PIEZO1: variants seen among roughly 807,000 people sequenced by gnomAD.
PIEZO1 encodes piezo-type mechanosensitive ion channel component 1.
A neutral mutation model predicts 297.2 loss-of-function variants in PIEZO1; 296 were observed. The ratio of observed to expected loss-of-function variants is 1.00; its 90% CI spans 0.91 to 1.10. The LOEUF (loss-of-function observed/expected upper bound fraction) is 1.10. Among genes scored for constraint, PIEZO1 ranks in the 50% least tolerant of loss-of-function variants. The pLI is 0.00. For missense variants in PIEZO1, 5,018 were observed against 3,455.5 expected (o/e 1.45, Z -11.34); for synonymous variants, 2,427 against 1,507.5 (o/e 1.61, Z -14.13).
At chr16:88,729,987 G>A (rs1435253616) in intron 22 of PIEZO1, among the ~76,000 whole-genome samples, 1 of 152,294 alleles carries the variant, frequency 6.6e-6, no homozygotes, top group African/African-American at 2.4e-5. Flanking sequence ...GCATGGCGCA[G>A]CCGCGTGGAA....
chr16:88,732,341 C>A lies in PIEZO1; in HGVS notation c.2985G>T (p.Gly995=). 1 of 1,549,324 alleles carries A rather than the reference C, an allele frequency of 6.5e-7. No individual in the cohort carries two copies. The change falls in exon 21 of 51, where the codon GGG becomes GGT. Residue 995 remains glycine (G), a synonymous_variant. Transcript: ENST00000301015. ...GGCAATGTCCTTGCCTCACCTCCAGCCCGAATTTGTAGAAGAAGAAGTTGA... is the reference window on the plus strand; with the variant it reads ...GGCAATGTCCTTGCCTCACCTCCAGACCGAATTTGTAGAAGAAGAAGTTGA... ...YFINFFFYKF[G]LEICFLMAVN... is the part of the protein sequence containing the mutation.
chr16:88,750,727 C>T (rs914735053), intron 1 of PIEZO1, among the ~76,000 whole-genome samples: 3 of 152,188 alleles, frequency 2.0e-5, no homozygotes, highest in Admixed American at 6.5e-5. Context: ...GGCCTGATGT[C>T]GTCTCCTCGC....
In PIEZO1 at chr16:88,721,307, G is replaced by C. The variant is rs939494574; in HGVS notation, c.5527C>G (p.Gln1843Glu). 2.6e-6 allele frequency: 4 copies of C among 1,546,000 alleles called. No individual in the cohort carries two copies. Among genetic ancestry groups the C allele is most frequent in the Non-Finnish European group, 3.5e-6 (4 of 1,146,712 alleles). The change falls in exon 39 of 51, where the codon CAG becomes GAG. Residue 1843 changes from glutamine to glutamate, a missense_variant. By Grantham distance (29) the Gln-to-Glu change is conservative (BLOSUM62 2). Coordinates refer to ENST00000301015, the MANE Select transcript of PIEZO1 (RefSeq NM_001142864.4). ...GTGGGTCCGACCCTGGCTTCCACCT[G>C]AATGTGGTCTTCGGTGGTGGCCGCA... Reference protein sequence around the residue: ...VPAATTEDHIQVEARVGPTDG... With the variant: ...VPAATTEDHIEVEARVGPTDG...
At chr16:88,736,049 G>C (rs1359693078) in intron 12 of PIEZO1, 99 bp downstream of exon 12, 10 of 1,225,282 alleles carry the variant, frequency 8.2e-6, no homozygotes, top group Non-Finnish European at 1.1e-5. Flanking sequence ...CTGCCTTCTT[G>C]GCGCTGCCAC....
intron 2 of PIEZO1, among the ~76,000 whole-genome samples, chr16:88,748,831 G>A (rs1336737030): frequency 1.3e-5 from 2 of 151,670 alleles, no homozygotes; most frequent in Non-Finnish European, 2.9e-5. Flanking sequence ...TACTTGGGAG[G>A]CTGGGATGCG....
At chr16:88,769,438 C>A (rs372887667) in intron 1 of PIEZO1, among the ~76,000 whole-genome samples, 45 of 152,334 alleles carry the variant, frequency 3.0e-4, no homozygotes, top group East Asian at 1.4e-3. Context: ...AGATTTCGGA[C>A]TTGGGGACTG....
At chr16:88,757,239 G>A (rs529118188) in intron 1 of PIEZO1, among the ~76,000 whole-genome samples, 1 of 150,982 alleles carries the variant, frequency 6.6e-6, no homozygotes, top group Non-Finnish European at 1.5e-5. Context: ...ATGCATTGAG[G>A]TTAGGAGGAG....
intron 1 of PIEZO1, among the ~76,000 whole-genome samples, chr16:88,754,339 C>G (rs1906547297): frequency 6.6e-6 from 1 of 152,192 alleles, no homozygotes; most frequent in African/African-American, 2.4e-5. Flanking sequence ...ACCAGGACCA[C>G]ACACCACTCA....
intron 1 of PIEZO1, among the ~76,000 whole-genome samples, chr16:88,759,060 G>A (rs749032886): frequency 6.6e-6 from 1 of 152,224 alleles, no homozygotes; most frequent in African/African-American, 2.4e-5. Flanking sequence ...TTTACAAGGG[G>A]AATGTTTTCA....
intron 31 of PIEZO1, 78 bp from the exon 32 acceptor site, chr16:88,723,406 G>C: frequency 2.0e-6 from 3 of 1,488,584 alleles, no homozygotes; most frequent in Middle Eastern, 2.1e-4. Flanking sequence ...TGGGCAAGCC[G>C]GGCGCCAGAT....
At chr16:88,718,454 G>A (rs910858242) in intron 44 of PIEZO1, 1 of 152,400 alleles carries the variant, frequency 6.6e-6, no homozygotes, top group Non-Finnish European at 1.5e-5. Context: ...CCCATCAACA[G>A]ATGAGCATGT....
chr16:88,741,162 C>A (rs945212296), intron 5 of PIEZO1: 3 of 222,004 alleles, frequency 1.4e-5, no homozygotes, highest in Admixed American at 5.4e-5. Context: ...GCCAGACCCA[C>A]TGCCCAGCAC....
At chr16:88,731,254 G>C (rs538076103) in intron 22 of PIEZO1, 1 of 191,232 alleles carries the variant, frequency 5.2e-6, no homozygotes, top group African/African-American at 2.3e-5. Context: ...GGCCGGGGCT[G>C]TTTGAATGCA....
At chr16:88,725,144 G>C (rs1160059111) in intron 29 of PIEZO1, 64 bp from the exon 30 acceptor site, 14 of 1,165,252 alleles carry the variant, frequency 1.2e-5, no homozygotes, top group African/African-American at 1.6e-5. Flanking sequence ...GGGGCTGTGA[G>C]TGCTCCCGTC....
At chr16:88,768,457 A>G (rs1371292875) in intron 1 of PIEZO1, among the ~76,000 whole-genome samples, 1 of 152,172 alleles carries the variant, frequency 6.6e-6, no homozygotes, top group African/African-American at 2.4e-5. Context: ...TCCTGGAAAA[A>G]GGGGAGTGAG....
rs991865308 is a variant in PIEZO1, at chr16:88,783,654, C to A, written c.64+1247G>T. On this transcript the variant is annotated intron_variant, in intron 1 of 50. Transcript: ENST00000301015. Reference sequence around the variant, plus strand: ...TGTTTACGGCCCATCTGACCCTGCACTGGGAGCAGGTCCCAGGCTGCCCAG... The same window carrying A: ...TGTTTACGGCCCATCTGACCCTGCAATGGGAGCAGGTCCCAGGCTGCCCAG... 2.0e-5 allele frequency among the ~76,000 whole-genome samples: 3 copies of A among 152,344 alleles called. No homozygotes were observed. In the East Asian group the frequency reaches 5.8e-4, roughly 29 times the overall value.
intron 31 of PIEZO1, among the ~76,000 whole-genome samples, 156 bp from the exon 32 acceptor site, chr16:88,723,484 A>G (rs1036188520): frequency 6.6e-6 from 1 of 152,116 alleles, no homozygotes; most frequent in Non-Finnish European, 1.5e-5. Context: ...GGGGACCCTG[A>G]GGGGCTGTGG....
Position 88,737,640 on chromosome 16 carries a change from C to T in PIEZO1, c.1114G>A (p.Val372Met). 2 of 1,534,936 alleles carry T rather than the reference C, an allele frequency of 1.3e-6. No homozygotes were observed. Among genetic ancestry groups the T allele is most frequent in the Non-Finnish European group, 1.7e-6 (2 of 1,146,444 alleles). The change falls in exon 10 of 51, where the codon GTG (valine) becomes ATG (methionine). Residue 372 changes from valine to methionine, a missense_variant. Coordinates refer to ENST00000301015, the MANE Select transcript of PIEZO1 (RefSeq NM_001142864.4). ...PQERESDQHV[V>M]PTAPDTEADN... Reference sequence around the variant, plus strand: ...GCCTCGGTGTCGGGTGCTGTGGGCACCACGTGCTGTGGGCAAGCAGCGCTG... The same window carrying T: ...GCCTCGGTGTCGGGTGCTGTGGGCATCACGTGCTGTGGGCAAGCAGCGCTG...
At chr16:88,730,175 C>T (rs552885403) in intron 22 of PIEZO1, among the ~76,000 whole-genome samples, 23 of 152,370 alleles carry the variant, frequency 1.5e-4, no homozygotes, top group Admixed American at 7.2e-4. Context: ...GCACACCCAG[C>T]GCCCAGACCC....
Sources: gnomAD v4.1 joint callset for allele counts (sites outside exome capture counted in the v4.1 genomes callset) on GRCh38, gnomAD v4.1.1 for gene constraint, MANE v1.5 for transcripts, NCBI Gene and HGNC (gene_info 2026-07-23, HGNC 2026-07-21) for gene names.